INPP5A: variants seen among roughly 807,000 people sequenced by gnomAD.
The protein encoded by INPP5A is 43 kDa inositol polyphosphate 5-phophatase.
In INPP5A, 14 loss-of-function variants were observed where a neutral mutation model predicts 65.2. That is an observed-to-expected ratio of 0.21 (90% CI 0.14 to 0.34). The LOEUF is 0.34. Among genes scored for constraint, INPP5A ranks in the 10% least tolerant of loss-of-function variants. The pLI is 1.00. For missense variants in INPP5A, 431 were observed against 545.6 expected, an observed-to-expected ratio of 0.79 and a Z score of 2.09; for synonymous variants, 207 against 208.3, an observed-to-expected ratio of 0.99 and a Z score of 0.05.
chr10:132,685,381 C>T (rs1409376460), intron 4 of INPP5A, among the ~76,000 whole-genome samples: 3 of 152,270 alleles, frequency 2.0e-5, no homozygotes, highest in Middle Eastern at 3.2e-3. Flanking sequence ...CCACCTGGGG[C>T]CTCACATGGG....
intron 1 of INPP5A, among the ~76,000 whole-genome samples, chr10:132,596,913 G>A (rs892779586): frequency 4.7e-5 from 2 of 42,966 alleles, no homozygotes; most frequent in East Asian, 1.5e-3. Context: ...GTGCATGTGT[G>A]CATGTGTGCG....
Position 132,780,406 on chromosome 10 carries a change from G to A in INPP5A, c.1090-443G>A, listed in dbSNP as rs564811249. On this transcript the variant is annotated intron_variant, in intron 13 of 15. Transcript: ENST00000368594. ...ATAGAACAGTCAAAAACAAATCAAA[G>A]TGGGAAGATTGGAACTAGATGGGCT... 9.8e-5 allele frequency among the ~76,000 whole-genome samples: 15 copies of A among 152,374 alleles called. No homozygotes were observed. In the East Asian group the frequency reaches 2.7e-3, roughly 27 times the overall value.
In INPP5A at chr10:132,551,453, TG is replaced by T. The variant is rs1488510433; in HGVS notation, c.75+13285del. Reference sequence around the variant, plus strand: ...GGTCAGCAAGTGTTTGCCATACGCCTGGGTGCAAAGTGGACCAGCCACTGTG... The same window carrying T: ...GGTCAGCAAGTGTTTGCCATACGCCTGGTGCAAAGTGGACCAGCCACTGTG... On this transcript the variant is annotated intron_variant, in intron 1 of 15. Transcript: ENST00000368594. This position sits in a 1 kb window ranked among gnomAD's most constrained non-coding sequence, Gnocchi z 5.3. Among the ~76,000 whole-genome samples the T allele has an allele frequency of 2.0e-5, 3 of 152,174 alleles. No individual in the cohort carries two copies. The highest frequency in any genetic ancestry group is 7.2e-5 in the African/African-American group (3 of 41,440).
chr10:132,740,381 G>A (rs1846252232), intron 9 of INPP5A, among the ~76,000 whole-genome samples: 2 of 152,076 alleles, frequency 1.3e-5, no homozygotes, highest in South Asian at 4.2e-4. Context: ...GCCTCTTAGT[G>A]AATTCTCCTT....
intron 4 of INPP5A, among the ~76,000 whole-genome samples, chr10:132,666,865 C>G (rs546793264): frequency 6.6e-6 from 1 of 152,314 alleles, no homozygotes; most frequent in African/African-American, 2.4e-5. Flanking sequence ...AGAAAGATAT[C>G]TGTGCATTGA....
rs139627502 is a variant in INPP5A at position 132,659,810 on chromosome 10, G to A, written c.306+9305G>A. Among the ~76,000 whole-genome samples, 990 of 152,344 alleles carry A rather than the reference G, an allele frequency of 6.5e-3. 4 individuals are homozygous for A. The highest frequency in any genetic ancestry group is 0.024 in the Middle Eastern group (7 of 294). On this transcript the variant is annotated intron_variant, in intron 4 of 15. Coordinates refer to ENST00000368594, the MANE Select transcript of INPP5A (RefSeq NM_005539.5). The surrounding 1 kb of genome is among the most constrained non-coding windows in gnomAD (Gnocchi z 5.5). ...ATGGCTGCCTGCCCTGGGAGGTGGA[G>A]CATGGAGAAGGCCAGTGCCTCATCA...
At chr10:132,655,002 C>A (rs1240292503) in intron 4 of INPP5A, among the ~76,000 whole-genome samples, 1 of 152,250 alleles carries the variant, frequency 6.6e-6, no homozygotes, top group Non-Finnish European at 1.5e-5. Flanking sequence ...GTGGCTCACG[C>A]CGGTAATCCC....
In INPP5A at chr10:132,706,984, C is replaced by T. The variant is rs1439134668; in HGVS notation, c.475-1329C>T. Among the ~76,000 whole-genome samples, 5 of 152,214 alleles carry T rather than the reference C, an allele frequency of 3.3e-5. No individual in the cohort carries two copies. Among genetic ancestry groups the T allele is most frequent in the Admixed American group, 1.3e-4 (2 of 15,282 alleles). On this transcript the variant is annotated intron_variant, in intron 6 of 15. Coordinates refer to ENST00000368594, the MANE Select transcript of INPP5A (RefSeq NM_005539.5). This position sits in a 1 kb window ranked among gnomAD's most constrained non-coding sequence, Gnocchi z 4.7. ...GGGCAGCTGTTGTCTGGCACGTGCG[C>T]ATACTGGAGGAGCCAAAGGGGACGG... is the stretch of plus-strand genomic sequence containing the variant.
At chr10:132,635,750 A>C (rs900243614) in intron 2 of INPP5A, among the ~76,000 whole-genome samples, 10 of 151,698 alleles carry the variant, frequency 6.6e-5, no homozygotes, top group Non-Finnish European at 1.3e-4. Flanking sequence ...GGGTTGCTTG[A>C]GGCCAGGAGT....
At chr10:132,624,034 C>G (rs970392962) in intron 2 of INPP5A, among the ~76,000 whole-genome samples, 4 of 152,202 alleles carry the variant, frequency 2.6e-5, no homozygotes, top group African/African-American at 9.7e-5. Context: ...TTGATGAAGA[C>G]GCAGGGCCAC....
At chr10:132,687,474 C>T (rs1053520279) in intron 4 of INPP5A, among the ~76,000 whole-genome samples, 1 of 152,248 alleles carries the variant, frequency 6.6e-6, no homozygotes, top group African/African-American at 2.4e-5. Flanking sequence ...ATGTCAGGCA[C>T]ACAGGTTCTC....
chr10:132,685,969 G>A (rs1308906298), intron 4 of INPP5A, among the ~76,000 whole-genome samples: 1 of 152,180 alleles, frequency 6.6e-6, no homozygotes, highest in African/African-American at 2.4e-5. Flanking sequence ...TTCACTAGCC[G>A]CCCCTGTGAG....
Position 132,609,846 on chromosome 10 carries a change from C to T in INPP5A, c.117+1890C>T, listed in dbSNP as rs986845747. Among the ~76,000 whole-genome samples, 9 of 152,146 alleles carry T rather than the reference C, an allele frequency of 5.9e-5. No homozygotes were observed. In the East Asian group the frequency reaches 7.7e-4, roughly 13 times the overall value. ...TTTTAGTAGAGACGGGGTTTCACCA[C>T]GTTGACCAGGCTGGTCTTGAACTGA... On this transcript the variant is annotated intron_variant, in intron 2 of 15. Transcript: ENST00000368594.
chr10:132,671,817 G>C (rs2072896316), intron 4 of INPP5A, among the ~76,000 whole-genome samples: 1 of 152,216 alleles, frequency 6.6e-6, no homozygotes, highest in African/African-American at 2.4e-5. Context: ...GAGAGGTTCA[G>C]GGACCAACCA....
chr10:132,579,470 G>C (rs2071453933), intron 1 of INPP5A, among the ~76,000 whole-genome samples: 1 of 152,156 alleles, frequency 6.6e-6, no homozygotes, highest in South Asian at 2.1e-4. Context: ...GGAAGGGGCA[G>C]AGAGGGGGCC....
chr10:132,764,602 G>C (rs943295636), intron 11 of INPP5A, among the ~76,000 whole-genome samples: 1 of 148,140 alleles, frequency 6.8e-6, no homozygotes, highest in African/African-American at 2.5e-5. Flanking sequence ...GCAGGGGTGG[G>C]AGGGTGTGCG....
chr10:132,568,463 C>T (rs760841291), intron 1 of INPP5A, among the ~76,000 whole-genome samples: 3 of 151,972 alleles, frequency 2.0e-5, no homozygotes, highest in African/African-American at 4.8e-5. Context: ...CAGTGGCTCA[C>T]GCCTGTAATC....
chr10:132,727,736 A>G lies in INPP5A; in HGVS notation c.732+831A>G, dbSNP rs1171537716. On this transcript the variant is annotated intron_variant, in intron 9 of 15. Transcript: ENST00000368594. The surrounding 1 kb of genome is among the most constrained non-coding windows in gnomAD (Gnocchi z 6.5). ...CCCTCCAGGTGCTGGGCATGAGCTG[A>G]CAGCCCACAGCGGGGCCACAGTAAG... Among the ~76,000 whole-genome samples, 1 of 152,022 alleles carries G rather than the reference A, an allele frequency of 6.6e-6. No individual in the cohort carries two copies. Among genetic ancestry groups the G allele is most frequent in the Non-Finnish European group, 1.5e-5 (1 of 67,992 alleles).
At chr10:132,586,801 A>G (rs1404727267) in intron 1 of INPP5A, among the ~76,000 whole-genome samples, 2 of 152,238 alleles carry the variant, frequency 1.3e-5, no homozygotes, top group Admixed American at 1.3e-4. Context: ...GAACAGAGAA[A>G]GAAACATGCA....
Sources: allele counts gnomAD v4.1 joint callset (sites outside exome capture counted in the v4.1 genomes callset), GRCh38; gene constraint gnomAD v4.1.1; non-coding constraint Gnocchi (gnomAD v3.1); transcripts MANE v1.5; gene names NCBI Gene and HGNC (gene_info 2026-07-23, HGNC 2026-07-21).